The following ARHGEF3 variants were observed in gnomAD, a reference collection of about 807,000 sequenced individuals.
ARHGEF3 encodes Rho guanine nucleotide exchange factor 3.
Under a neutral mutation model 63.2 loss-of-function variants are expected in ARHGEF3, and 28 were observed. That is an observed-to-expected ratio of 0.44 (90% CI 0.33 to 0.61). ARHGEF3 has a LOEUF of 0.61. Ranked by LOEUF, ARHGEF3 falls within the 20% of genes least tolerant of loss-of-function variation. The pLI, the probability that ARHGEF3 is intolerant of heterozygous loss-of-function variation, is 0.03. For synonymous variants in ARHGEF3, 266 were observed against 254.2 expected (o/e 1.05, Z -0.44); for missense variants, 533 against 659.3 (o/e 0.81, Z 2.10).
chr3:57,047,909 A>G (rs17057653), intron 1 of ARHGEF3, among the ~76,000 whole-genome samples: 2,413 of 152,194 alleles, frequency 0.016, 71 homozygotes, highest in African/African-American at 0.056. Flanking sequence ...TCCAGACATT[A>G]CTAAAATACC....
At chr3:56,769,165 T>A (rs1444202088) in intron 2 of ARHGEF3, among the ~76,000 whole-genome samples, 1 of 152,222 alleles carries the variant, frequency 6.6e-6, no homozygotes, top group African/African-American at 2.4e-5. Flanking sequence ...AGGGGCTACA[T>A]CACAACATCA....
In ARHGEF3 at chr3:56,729,942, CT is replaced by C. The variant is rs144663872; in HGVS notation, c.1229-321del. Among the ~76,000 whole-genome samples the C allele has an allele frequency of 5.3e-3, 809 of 152,308 alleles. 8 individuals are homozygous for C. Among genetic ancestry groups the C allele is most frequent in the African/African-American group, 0.018 (748 of 41,568 alleles). On this transcript the variant is annotated intron_variant, in intron 9 of 9. Coordinates refer to ENST00000296315, the MANE Select transcript of ARHGEF3 (RefSeq NM_019555.3). The stretch of plus-strand genomic sequence containing the variant: ...CCAATCTGGCTGCATAACAAAATCC[CT>C]TGGGGTGAGAGCTTGTTAAAAAGAC...
intron 2 of ARHGEF3, among the ~76,000 whole-genome samples, chr3:56,758,378 TGA>T (rs2035225462): frequency 6.6e-6 from 1 of 151,818 alleles, no homozygotes; most frequent in South Asian, 2.1e-4. Context: ...TGGCTTGAGC[TGA>T]GGAGTTCGAG....
intron 2 of ARHGEF3, among the ~76,000 whole-genome samples, chr3:57,016,784 C>G (rs1304027214): frequency 2.0e-5 from 3 of 152,044 alleles, no homozygotes; most frequent in Non-Finnish European, 2.9e-5. Flanking sequence ...CAGGTCTATT[C>G]TTATATCCCC....
chr3:57,045,449 C>T (rs2107280232), intron 1 of ARHGEF3, among the ~76,000 whole-genome samples: 1 of 152,268 alleles, frequency 6.6e-6, no homozygotes, highest in East Asian at 1.9e-4. Flanking sequence ...GACTGGGGTC[C>T]CCCATTCTGT....
At chr3:56,996,287 C>T (rs1701984633) in intron 2 of ARHGEF3, among the ~76,000 whole-genome samples, 1 of 152,192 alleles carries the variant, frequency 6.6e-6, no homozygotes, top group Non-Finnish European at 1.5e-5. Context: ...CCTATCTTAG[C>T]TCTCCCTGCA....
chr3:57,035,861 G>A (rs923934647), intron 1 of ARHGEF3, among the ~76,000 whole-genome samples: 4 of 152,230 alleles, frequency 2.6e-5, no homozygotes, highest in African/African-American at 9.6e-5. Flanking sequence ...ACCTGGGCCT[G>A]TGATTGCATC....
At position 56,904,263 on chromosome 3, in the gene ARHGEF3, C is replaced by T. The variant is rs927577630; in HGVS notation, c.130-21909G>A. The stretch of plus-strand genomic sequence containing the variant: ...CCCAGGTTGGTCTCAAACTCCTGGG[C>T]TCAGGCAATCCTCCCACTTTGGCCC... On this transcript the variant is annotated intron_variant, in intron 3 of 12. Transcript: ENST00000338458. Among the ~76,000 whole-genome samples, 11 of 152,266 alleles carry T rather than the reference C, an allele frequency of 7.2e-5. No homozygotes were observed. In the East Asian group the frequency reaches 2.1e-3, roughly 29 times the overall value.
chr3:56,805,726 AC>A (rs2037841706), upstream of ARHGEF3, among the ~76,000 whole-genome samples: 1 of 152,192 alleles, frequency 6.6e-6, no homozygotes, highest in Admixed American at 6.5e-5. Context: ...TGACAAACAT[AC>A]CTCTTTTCCA....
chr3:57,059,207 A>G (rs1053964811), intron 1 of ARHGEF3, among the ~76,000 whole-genome samples: 5 of 152,116 alleles, frequency 3.3e-5, no homozygotes, highest in Non-Finnish European at 7.3e-5. Context: ...ACTATAAAAT[A>G]TATTCATTAC....
intron 2 of ARHGEF3, among the ~76,000 whole-genome samples, chr3:57,014,425 C>T (rs1195748930): frequency 2.6e-5 from 4 of 152,242 alleles, no homozygotes; most frequent in East Asian, 3.9e-4. Flanking sequence ...ACCTGGACTC[C>T]CATATTCCAG....
chr3:56,985,707 G>C (rs1486594181), intron 2 of ARHGEF3, among the ~76,000 whole-genome samples: 1 of 152,174 alleles, frequency 6.6e-6, no homozygotes, highest in Non-Finnish European at 1.5e-5. Context: ...CTGCGGCCTC[G>C]CCCCCTCGAT....
chr3:57,060,846 A>ACAC (rs927165133), intron 1 of ARHGEF3: 1 of 142,592 alleles, frequency 7.0e-6, no homozygotes, highest in Admixed American at 7.5e-5. Flanking sequence ...ACATGGGCAC[A>ACAC]CACCACCACC....
intron 7 of ARHGEF3, among the ~76,000 whole-genome samples, chr3:56,738,377 G>T (rs2033784130): frequency 6.6e-6 from 1 of 151,734 alleles, no homozygotes; most frequent in Admixed American, 6.6e-5. Flanking sequence ...TCACCATGTT[G>T]CCCAGGCTGG....
intron 2 of ARHGEF3, among the ~76,000 whole-genome samples, chr3:56,992,985 C>T (rs935156905): frequency 1.3e-5 from 2 of 152,130 alleles, no homozygotes; most frequent in African/African-American, 2.4e-5. Context: ...AGCTGCATGC[C>T]GCCATGCCTG....
At chr3:56,889,622 C>T (rs2041043809) in intron 3 of ARHGEF3, among the ~76,000 whole-genome samples, 1 of 152,194 alleles carries the variant, frequency 6.6e-6, no homozygotes, top group Non-Finnish European at 1.5e-5. Context: ...TGAGTGAGTG[C>T]TGGAGAGAGG....
intron 7 of ARHGEF3, 78 bp downstream of exon 7, chr3:56,745,127 C>T: frequency 2.0e-6 from 3 of 1,522,298 alleles, no homozygotes; most frequent in East Asian, 4.5e-5. Flanking sequence ...GGGACTCTTC[C>T]ATTCACCCAC....
At chr3:56,755,385 C>T (rs2107772217) in intron 2 of ARHGEF3, among the ~76,000 whole-genome samples, 1 of 152,258 alleles carries the variant, frequency 6.6e-6, no homozygotes, top group Middle Eastern at 3.4e-3. Context: ...GACCTGGATA[C>T]CAAGTGGACT....
intron 4 of ARHGEF3, among the ~76,000 whole-genome samples, chr3:56,853,618 AGTCACCATGCCCG>A (rs2039755152): frequency 6.6e-6 from 1 of 152,222 alleles, no homozygotes; most frequent in African/African-American, 2.4e-5. Context: ...TACAAGTGTG[AGTCACCATGCCCG>A]GCTCAATTTT....
Sources: gnomAD v4.1 joint callset for allele counts (sites outside exome capture counted in the v4.1 genomes callset) on GRCh38, gnomAD v4.1.1 for gene constraint, MANE v1.5 for transcripts, NCBI Gene and HGNC (gene_info 2026-07-23, HGNC 2026-07-21) for gene names.